CCDC7: variants seen among roughly 807,000 people sequenced by gnomAD.
The protein encoded by CCDC7 is coiled-coil domain-containing protein 7.
In CCDC7, 183 loss-of-function variants were observed where a neutral mutation model predicts 196.9. The observed-to-expected ratio is 0.93, with a 90% CI of 0.82 to 1.05. The LOEUF (loss-of-function observed/expected upper bound fraction) is 1.05, where lower values mean the gene tolerates loss of function less well. CCDC7 is among the 50% of genes least tolerant of loss of function. The pLI is 0.00. For missense variants in CCDC7, 1,540 were observed against 1,482.2 expected (o/e 1.04, Z -0.64); for synonymous variants, 525 against 484.6 (o/e 1.08, Z -1.10).
intron 28 of CCDC7, among the ~76,000 whole-genome samples, chr10:32,755,139 C>G (rs747456952): frequency 6.6e-6 from 1 of 152,130 alleles, no homozygotes; most frequent in Non-Finnish European, 1.5e-5. Flanking sequence ...TGGGTGGAGC[C>G]CACCACAGCT....
chr10:32,485,617 T>G (rs2040903271), intron 8 of CCDC7, among the ~76,000 whole-genome samples: 1 of 152,246 alleles, frequency 6.6e-6, no homozygotes, highest in Non-Finnish European at 1.5e-5. Context: ...CTTTCCTGCT[T>G]TCTCTTGTGG....
At chr10:32,820,803 A>G (rs1362093903) in intron 31 of CCDC7, among the ~76,000 whole-genome samples, 2 of 152,240 alleles carry the variant, frequency 1.3e-5, no homozygotes, top group Non-Finnish European at 2.9e-5. Flanking sequence ...TACACCTTAT[A>G]CAAAAATTAA....
At chr10:32,739,967 GT>G (rs1286347010) in intron 28 of CCDC7, among the ~76,000 whole-genome samples, 1 of 152,038 alleles carries the variant, frequency 6.6e-6, no homozygotes, top group Non-Finnish European at 1.5e-5. Flanking sequence ...GATTAATGTG[GT>G]GATAAGATGT....
intron 28 of CCDC7, among the ~76,000 whole-genome samples, chr10:32,731,397 A>G (rs547701816): frequency 3.0e-4 from 46 of 152,220 alleles, no homozygotes; most frequent in African/African-American, 1.0e-3. Flanking sequence ...CAATTATTGT[A>G]CTTACTGATA....
chr10:32,492,042 A>G, intron 9 of CCDC7, 45 bp downstream of exon 10: 1 of 1,478,744 alleles, frequency 6.8e-7, no homozygotes, highest in Non-Finnish European at 9.0e-7. Context: ...CTATTTTTAA[A>G]AAAAGACAGA....
intron 18 of CCDC7, chr10:32,623,902 T>A: frequency 4.9e-6 from 2 of 406,346 alleles, no homozygotes; most frequent in Non-Finnish European, 5.0e-6. Context: ...AGAACTCACT[T>A]CTTCCCAAGG....
At chr10:32,456,402 T>G in intron 3 of CCDC7, 68 bp downstream of exon 4, 1 of 1,282,410 alleles carries the variant, frequency 7.8e-7, no homozygotes, top group East Asian at 2.7e-5. Flanking sequence ...AAATTGAATC[T>G]GCTATCCAGT....
At chr10:32,597,461 C>T (rs551399929) in intron 18 of CCDC7, among the ~76,000 whole-genome samples, 17 of 152,210 alleles carry the variant, frequency 1.1e-4, no homozygotes, top group East Asian at 1.9e-4. Context: ...GCGATGGGTT[C>T]GAACATCCTC....
intron 9 of CCDC7, among the ~76,000 whole-genome samples, chr10:32,502,392 C>G (rs1040596805): frequency 1.3e-5 from 2 of 152,180 alleles, no homozygotes; most frequent in African/African-American, 4.8e-5. Context: ...GCTGCATCCA[C>G]TGTCCAACCA....
chr10:32,820,791 C>T (rs1049336472), intron 31 of CCDC7, among the ~76,000 whole-genome samples: 1 of 152,138 alleles, frequency 6.6e-6, no homozygotes, highest in Non-Finnish European at 1.5e-5. Flanking sequence ...AGATAGCTTC[C>T]TTACACCTTA....
At chr10:32,583,659 G>A (rs939664599) in intron 17 of CCDC7, among the ~76,000 whole-genome samples, 5 of 151,898 alleles carry the variant, frequency 3.3e-5, no homozygotes, top group Non-Finnish European at 7.4e-5. Context: ...GATTGTAAAA[G>A]CAAACTAATT....
At chr10:32,631,744 G>T (rs577795322) in intron 18 of CCDC7, among the ~76,000 whole-genome samples, 1 of 150,064 alleles carries the variant, frequency 6.7e-6, no homozygotes, top group East Asian at 1.9e-4. Flanking sequence ...GGAATGTATT[G>T]TCCTTTTAAC....
intron 8 of CCDC7, chr10:32,481,802 C>T (rs1589016180): frequency 6.8e-6 from 1 of 147,838 alleles, no homozygotes; most frequent in African/African-American, 2.6e-5. Flanking sequence ...TCTTGGTTGG[C>T]AGTTTTTTTC....
chr10:32,852,667 T>C (rs1207250139), intron 40 of CCDC7, among the ~76,000 whole-genome samples: 1 of 152,114 alleles, frequency 6.6e-6, no homozygotes, highest in Non-Finnish European at 1.5e-5. Context: ...AAAATAAATA[T>C]CCATGGCACT....
At chr10:32,677,637 T>C (rs981625818) in intron 21 of CCDC7, among the ~76,000 whole-genome samples, 1 of 152,166 alleles carries the variant, frequency 6.6e-6, no homozygotes, top group Admixed American at 6.5e-5. Context: ...TTTCTTTCCA[T>C]TTTCAAAATT....
At chr10:32,502,474 G>A (rs2044224208) in intron 9 of CCDC7, among the ~76,000 whole-genome samples, 1 of 152,090 alleles carries the variant, frequency 6.6e-6, no homozygotes, top group African/African-American at 2.4e-5. Flanking sequence ...TGATCTCGCT[G>A]GGAGCTGCAG....
At chr10:32,565,016 C>G (rs1322470458) in intron 13 of CCDC7, among the ~76,000 whole-genome samples, 1 of 152,092 alleles carries the variant, frequency 6.6e-6, no homozygotes, top group Admixed American at 6.6e-5. Context: ...TCTGCCTACT[C>G]TTGATTGTTC....
At chr10:32,661,855 C>T (rs574857975) in intron 20 of CCDC7, among the ~76,000 whole-genome samples, 1 of 152,280 alleles carries the variant, frequency 6.6e-6, no homozygotes, top group Admixed American at 6.5e-5. Context: ...AGGGGTGGCA[C>T]AGCACTCCTT....
At chr10:32,631,141 CA>C (rs1406198435) in intron 18 of CCDC7, among the ~76,000 whole-genome samples, 2 of 151,652 alleles carry the variant, frequency 1.3e-5, no homozygotes, top group African/African-American at 2.4e-5. Flanking sequence ...TCATTTGAAG[CA>C]AAAAAAATTT....
Sources: allele counts gnomAD v4.1 joint callset (sites outside exome capture counted in the v4.1 genomes callset), GRCh38; gene constraint gnomAD v4.1.1; transcripts MANE v1.5; gene names NCBI Gene and HGNC (gene_info 2026-07-23, HGNC 2026-07-21).